Variants in ADAMTS6 observed in about 807,000 individuals in gnomAD.
The protein encoded by ADAMTS6 is A disintegrin and metalloproteinase with thrombospondin motifs 6.
ADAMTS6 carries 23 observed loss-of-function variants against 144.3 expected under a neutral mutation model. The observed-to-expected ratio is 0.16, with a 90% CI of 0.11 to 0.23. The LOEUF is 0.23. ADAMTS6 is among the 10% of genes least tolerant of loss of function. The pLI is 1.00. For synonymous variants in ADAMTS6, 444 were observed against 457.5 expected, an observed-to-expected ratio of 0.97 and a Z score of 0.38; for missense variants, 999 against 1,379.6, an observed-to-expected ratio of 0.72 and a Z score of 4.37.
intron 12 of ADAMTS6, among the ~76,000 whole-genome samples, chr5:65,265,163 T>C (rs552760773): frequency 6.6e-6 from 1 of 152,056 alleles, no homozygotes; most frequent in Non-Finnish European, 1.5e-5. Context: ...ACCCTAAGTC[T>C]GATATATATT....
chr5:65,398,709 CAGAAAGAG>C (rs1442108152), intron 7 of ADAMTS6, among the ~76,000 whole-genome samples: 3 of 144,914 alleles, frequency 2.1e-5, no homozygotes, highest in South Asian at 2.2e-4. Flanking sequence ...GAGACTCTGT[CAGAAAGAG>C]AGAAAGAGAG....
intron 24 of ADAMTS6, among the ~76,000 whole-genome samples, chr5:65,158,696 T>C (rs1325988552): frequency 2.0e-5 from 3 of 152,168 alleles, no homozygotes; most frequent in South Asian, 2.1e-4. Context: ...AGCAACATAG[T>C]GTTACCCTCA....
At chr5:65,271,376 T>TA (rs771448447) in intron 12 of ADAMTS6, among the ~76,000 whole-genome samples, 508 of 116,360 alleles carry the variant, frequency 4.4e-3, no homozygotes, top group Non-Finnish European at 5.6e-3. Context: ...ATACTCCGTC[T>TA]AAAAAAAAAA....
chr5:65,208,572 T>A (rs886161412), intron 20 of ADAMTS6, among the ~76,000 whole-genome samples: 54 of 152,172 alleles, frequency 3.5e-4, no homozygotes, highest in African/African-American at 1.3e-3. Context: ...ATTAAAAAGG[T>A]CACTAGAGAC....
Position 65,262,807 on chromosome 5 carries a change from A to G in ADAMTS6, c.1766+10T>C. ...CTTTTTGTTGGCTCCGGCTTACTTT[A>G]GCTACTTACGCTGGACTGTCACAGT... On this transcript the variant is annotated intron_variant, in intron 13 of 24. Coordinates refer to ENST00000381055, the MANE Select transcript of ADAMTS6 (RefSeq NM_197941.4). 1 of 1,492,110 alleles carries G rather than the reference A, an allele frequency of 6.7e-7. No homozygotes were observed. The highest frequency in any genetic ancestry group is 8.9e-7 in the Non-Finnish European group (1 of 1,124,936). The allele number at this position is 1,492,110 out of a possible 1,614,324, so 92.4% of individuals were successfully genotyped here.
rs1340006416 is a variant in ADAMTS6, at chr5:65,300,638, CT to C, written c.1224-508del. Reference sequence around the variant, plus strand: ...ACATAAGTCCTTTTTCTTTTTCTTTCTTTTTTTTTTTGAGACGCAGTCTTGC... The same window carrying C: ...ACATAAGTCCTTTTTCTTTTTCTTTCTTTTTTTTTTGAGACGCAGTCTTGC... On this transcript the variant is annotated intron_variant, in intron 9 of 24. Transcript: ENST00000381055. 1.5e-3 allele frequency among the ~76,000 whole-genome samples: 217 copies of C among 146,178 alleles called. 1 individual carries two copies. The highest frequency in any genetic ancestry group is 3.5e-3 in the African/African-American group (140 of 40,144).
chr5:65,447,441 T>C (rs1289018248), intron 7 of ADAMTS6, among the ~76,000 whole-genome samples: 1 of 152,150 alleles, frequency 6.6e-6, no homozygotes, highest in Non-Finnish European at 1.5e-5. Flanking sequence ...CTAAACATCA[T>C]TTGTATACCA....
intron 9 of ADAMTS6, among the ~76,000 whole-genome samples, chr5:65,316,113 T>C (rs188974015): frequency 4.1e-4 from 63 of 152,290 alleles, no homozygotes; most frequent in African/African-American, 1.5e-3. Context: ...GGTTTCACCA[T>C]GTTGCCCAGG....
intron 9 of ADAMTS6, among the ~76,000 whole-genome samples, chr5:65,318,052 G>A (rs1169824646): frequency 6.9e-6 from 1 of 144,980 alleles, no homozygotes; most frequent in Non-Finnish European, 1.5e-5. Flanking sequence ...TCCAGCTTGG[G>A]TGACAGAGCA....
chr5:65,314,832 A>AT (rs984152303), intron 9 of ADAMTS6, among the ~76,000 whole-genome samples: 13 of 152,122 alleles, frequency 8.5e-5, no homozygotes, highest in Non-Finnish European at 1.6e-4. Context: ...TGCAAGAAAT[A>AT]TTTTTTTAAA....
chr5:65,403,296 T>C (rs1411105416), intron 7 of ADAMTS6, among the ~76,000 whole-genome samples: 3 of 152,124 alleles, frequency 2.0e-5, no homozygotes, highest in African/African-American at 7.2e-5. Context: ...AACACTTCTT[T>C]TCTGAACATA....
intron 7 of ADAMTS6, among the ~76,000 whole-genome samples, chr5:65,443,576 T>G (rs577104786): frequency 8.3e-6 from 1 of 120,824 alleles, no homozygotes; most frequent in African/African-American, 3.5e-5. Context: ...GAGCTTAAGA[T>G]CACAACACTG....
In ADAMTS6 at chr5:65,151,945, T is replaced by G; in HGVS notation, c.3245A>C (p.Glu1082Ala). 6.2e-7 allele frequency: 1 copy of G among 1,610,288 alleles called. No individual in the cohort carries two copies. ...CDSTPISNTEECKDVNKVAYC... is the reference protein window; with the variant it reads ...CDSTPISNTEACKDVNKVAYC... ...AGCCACTTTATTCACATCTTTGCAC[T>G]CTAACGAATGGGGGCAGAAAATGGA... The change falls in exon 25 of 25, where the codon GAG becomes GCG. Residue 1082 changes from glutamate (E) to alanine (A), a missense_variant and splice_region_variant. Glu to Ala is a moderately radical substitution (Grantham distance 107, BLOSUM62 -1). Around this residue, in one of 3 missense-constraint regions of ADAMTS6, gnomAD observed 619 missense variants for 837.0 expected, o/e 0.74. Transcript: ENST00000381055.
chr5:65,234,449 A>T (rs1264753883), intron 15 of ADAMTS6, among the ~76,000 whole-genome samples: 1 of 150,658 alleles, frequency 6.6e-6, no homozygotes, highest in Non-Finnish European at 1.5e-5. Context: ...TAATGTGAAT[A>T]GACTTTTTTT....
chr5:65,279,235 G>A (rs1428366365), intron 11 of ADAMTS6, among the ~76,000 whole-genome samples: 1 of 150,590 alleles, frequency 6.6e-6, no homozygotes, highest in Non-Finnish European at 1.5e-5. Flanking sequence ...ATGAGCCACC[G>A]TACCCGACCT....
chr5:65,334,158 T>C, intron 7 of ADAMTS6, 73 bp from the exon 8 acceptor site: 1 of 1,445,596 alleles, frequency 6.9e-7, no homozygotes, highest in South Asian at 1.4e-5. Flanking sequence ...TCATCATACT[T>C]CTCTCCTGAA....
chr5:65,275,448 GAGAAAGAA>G (rs201699293), intron 11 of ADAMTS6, among the ~76,000 whole-genome samples: 8 of 149,992 alleles, frequency 5.3e-5, no homozygotes, highest in Admixed American at 2.6e-4. Context: ...AAAAAAGAAA[GAGAAAGAA>G]AGAAAGAAAG....
intron 19 of ADAMTS6, 106 bp downstream of exon 19, chr5:65,215,218 A>T (rs965555708): frequency 7.6e-7 from 1 of 1,310,344 alleles, no homozygotes; most frequent in Non-Finnish European, 1.1e-6. Flanking sequence ...ATCTTTATTT[A>T]CCTTAATTTC....
chr5:65,366,937 C>T (rs1468311112), intron 7 of ADAMTS6, among the ~76,000 whole-genome samples: 1 of 152,182 alleles, frequency 6.6e-6, no homozygotes, highest in Non-Finnish European at 1.5e-5. Context: ...ACAACCAAGA[C>T]AGACTCTGTG....
Sources: gnomAD v4.1 joint callset for allele counts (sites outside exome capture counted in the v4.1 genomes callset) on GRCh38, gnomAD v4.1.1 for gene constraint, gnomAD v4.1.1 regional missense constraint, MANE v1.5 for transcripts, NCBI Gene and HGNC (gene_info 2026-07-23, HGNC 2026-07-21) for gene names.